The following RSRC1 variants were observed in gnomAD, a reference collection of about 807,000 sequenced individuals.
RSRC1 encodes serine/Arginine-related protein 53.
In RSRC1, 39 loss-of-function variants were observed where a neutral mutation model predicts 49.1. The ratio of observed to expected loss-of-function variants is 0.79; its 90% CI spans 0.61 to 1.04. The LOEUF is 1.04. RSRC1 is among the 50% of genes least tolerant of loss of function. The probability of loss-of-function intolerance (pLI) is 0.00; values close to 1 mark genes in which losing one functional copy is unlikely to be tolerated. For missense variants in RSRC1, 388 were observed against 402.4 expected (o/e 0.96, Z 0.31); for synonymous variants, 143 against 130.8 (o/e 1.09, Z -0.63).
intron 3 of RSRC1, among the ~76,000 whole-genome samples, chr3:158,195,345 GT>G (rs146020697): frequency 3.4e-4 from 49 of 145,164 alleles, no homozygotes; most frequent in African/African-American, 6.5e-4. Flanking sequence ...TGATGGGGTT[GT>G]TTTTTTTTTT....
At chr3:158,462,984 C>T (rs992853168) in intron 7 of RSRC1, among the ~76,000 whole-genome samples, 1 of 151,976 alleles carries the variant, frequency 6.6e-6, no homozygotes, top group Non-Finnish European at 1.5e-5. Context: ...TTAATATCCA[C>T]AATGCCTAAC....
chr3:158,196,392 G>T (rs540190233), intron 3 of RSRC1, among the ~76,000 whole-genome samples: 27 of 152,320 alleles, frequency 1.8e-4, no homozygotes, highest in South Asian at 2.1e-4. Flanking sequence ...AGCTTAAGGA[G>T]ATTTGGGGCT....
intron 4 of RSRC1, among the ~76,000 whole-genome samples, chr3:158,219,733 G>C (rs1045119790): frequency 1.3e-5 from 2 of 151,566 alleles, no homozygotes; most frequent in African/African-American, 4.8e-5. Flanking sequence ...ATGTGCGGGA[G>C]TAATGATGAA....
chr3:158,172,211 AACTC>A (rs1266961292), intron 3 of RSRC1, among the ~76,000 whole-genome samples: 5 of 152,198 alleles, frequency 3.3e-5, no homozygotes, highest in Non-Finnish European at 7.4e-5. Flanking sequence ...AGATTTAAGA[AACTC>A]AGTGAATCCC....
intron 4 of RSRC1, among the ~76,000 whole-genome samples, chr3:158,207,906 A>T (rs984145686): frequency 6.6e-6 from 1 of 152,194 alleles, no homozygotes; most frequent in Non-Finnish European, 1.5e-5. Context: ...TTTTTAAATA[A>T]CAGCTAATTA....
At chr3:158,123,527 G>A (rs531588150) in intron 2 of RSRC1, among the ~76,000 whole-genome samples, 1 of 151,868 alleles carries the variant, frequency 6.6e-6, no homozygotes, top group East Asian at 1.9e-4. Context: ...CGAATTCTTG[G>A]CCTCAAGCGA....
intron 6 of RSRC1, among the ~76,000 whole-genome samples, chr3:158,355,799 A>G (rs1731125572): frequency 6.6e-6 from 1 of 151,832 alleles, no homozygotes; most frequent in African/African-American, 2.4e-5. Flanking sequence ...TACATGGTGG[A>G]TGTCTTCCAA....
At chr3:158,490,437 T>G (rs1424004346) in intron 7 of RSRC1, among the ~76,000 whole-genome samples, 1 of 152,224 alleles carries the variant, frequency 6.6e-6, no homozygotes, top group African/African-American at 2.4e-5. Flanking sequence ...AGTGCAATTC[T>G]TTAAATTATC....
intron 4 of RSRC1, among the ~76,000 whole-genome samples, chr3:158,259,462 A>G (rs1559965704): frequency 6.6e-6 from 1 of 152,042 alleles, no homozygotes; most frequent in East Asian, 1.9e-4. Flanking sequence ...ACTGCCTGGA[A>G]CTGGGGTAAG....
intron 6 of RSRC1, among the ~76,000 whole-genome samples, chr3:158,459,795 G>A (rs576110339): frequency 6.6e-6 from 1 of 152,002 alleles, no homozygotes; most frequent in East Asian, 1.9e-4. Context: ...GGAAACAGAT[G>A]TCTGTGTAAT....
intron 4 of RSRC1, among the ~76,000 whole-genome samples, chr3:158,229,426 A>G (rs1372135026): frequency 2.0e-5 from 3 of 149,906 alleles, no homozygotes; most frequent in Admixed American, 6.7e-5. Context: ...GTATGTATGT[A>G]TGTATATACA....
chr3:158,335,527 T>C (rs4680425), intron 5 of RSRC1, among the ~76,000 whole-genome samples: 33,504 of 152,156 alleles, frequency 0.22, 4,298 homozygotes, highest in Non-Finnish European at 0.29. Flanking sequence ...CGGAGGGTCA[T>C]TGAGGTATTT....
chr3:158,283,945 G>A (rs932353328), intron 4 of RSRC1, among the ~76,000 whole-genome samples: 4 of 151,032 alleles, frequency 2.6e-5, no homozygotes, highest in South Asian at 2.1e-4. Context: ...CAATGTGCAG[G>A]TTAGTTACAT....
chr3:158,410,466 A>T (rs182975366), intron 6 of RSRC1, among the ~76,000 whole-genome samples: 35 of 152,310 alleles, frequency 2.3e-4, no homozygotes, highest in Admixed American at 7.2e-4. Flanking sequence ...AGTAATCAAC[A>T]AACTTTTTGA....
intron 4 of RSRC1, among the ~76,000 whole-genome samples, chr3:158,274,373 T>C (rs2108061933): frequency 6.6e-6 from 1 of 151,968 alleles, no homozygotes; most frequent in South Asian, 2.1e-4. Context: ...GGTTAGTCTT[T>C]TTTTTTTTCT....
intron 5 of RSRC1, among the ~76,000 whole-genome samples, chr3:158,338,473 A>G (rs1432459045): frequency 2.6e-5 from 4 of 152,164 alleles, no homozygotes; most frequent in Non-Finnish European, 5.9e-5. Flanking sequence ...TAGAAATATG[A>G]TAAGCTGTTG....
intron 7 of RSRC1, among the ~76,000 whole-genome samples, chr3:158,495,057 A>G (rs1739259017): frequency 6.6e-6 from 1 of 152,186 alleles, no homozygotes; most frequent in African/African-American, 2.4e-5. Flanking sequence ...CACCAGCATC[A>G]CCACAGATGC....
At chr3:158,360,232 T>C (rs73170335) in intron 6 of RSRC1, among the ~76,000 whole-genome samples, 3,868 of 152,258 alleles carry the variant, frequency 0.025, 63 homozygotes, top group Middle Eastern at 0.065. Context: ...AGGTAGCCTC[T>C]CTCTGCAGCT....
chr3:158,165,912 G>T (rs759684367), intron 3 of RSRC1, among the ~76,000 whole-genome samples: 3 of 152,112 alleles, frequency 2.0e-5, no homozygotes, highest in Non-Finnish European at 4.4e-5. Context: ...GCTCCTGATT[G>T]ATTGCTGGTG....
Sources: allele counts gnomAD v4.1 joint callset (sites outside exome capture counted in the v4.1 genomes callset), GRCh38; gene constraint gnomAD v4.1.1; transcripts MANE v1.5; gene names NCBI Gene and HGNC (gene_info 2026-07-23, HGNC 2026-07-21).